ATR: variants seen among roughly 807,000 people sequenced by gnomAD.
The protein encoded by ATR is serine/threonine-protein kinase ATR.
In ATR, 142 loss-of-function variants were observed where a neutral mutation model predicts 305.3. The observed-to-expected ratio is 0.47, with a 90% confidence interval of 0.41 to 0.53. The LOEUF (loss-of-function observed/expected upper bound fraction) is 0.53. Among genes scored for constraint, ATR ranks in the 20% least tolerant of loss-of-function variants. The probability of loss-of-function intolerance (pLI) is 0.00; values close to 1 mark genes in which losing one functional copy is unlikely to be tolerated. For synonymous variants in ATR, 1,050 were observed against 1,068.1 expected (o/e 0.98, Z 0.33); for missense variants, 2,135 against 3,133.1 (o/e 0.68, Z 7.60).
chr3:142,478,793 T>A (rs1340784063), intron 36 of ATR, among the ~76,000 whole-genome samples: 1 of 152,170 alleles, frequency 6.6e-6, no homozygotes, highest in Non-Finnish European at 1.5e-5. Flanking sequence ...TGCATATATA[T>A]TTAGGATAGT....
chr3:142,499,795 A>C (rs1173072940), intron 30 of ATR, 77 bp from the exon 31 acceptor site: 2 of 1,154,590 alleles, frequency 1.7e-6, no homozygotes, highest in Admixed American at 3.6e-5. Context: ...TGGTTTACAT[A>C]CTCTATTTAT....
intron 15 of ATR, 143 bp downstream of exon 15, chr3:142,549,336 A>G (rs980434283): frequency 1.7e-6 from 1 of 580,238 alleles, no homozygotes; most frequent in Non-Finnish European, 2.8e-6. Flanking sequence ...CAGGACAAAG[A>G]TTATTTAACA....
rs934941756 is a variant in ATR, at chr3:142,513,729, G to A, written c.4504-91C>T. The stretch of plus-strand genomic sequence containing the variant: ...ATGTGAGATAATTTATCACAAACGA[G>A]TATTCATTTTTAAATTTAAAAAGTT... On this transcript the variant is annotated intron_variant, in intron 25 of 46. Coordinates refer to ENST00000350721, the MANE Select transcript of ATR (RefSeq NM_001184.4). 1.3e-4 allele frequency: 163 copies of A among 1,271,494 alleles called. 1 individual carries two copies. The highest frequency in any genetic ancestry group is 2.7e-5 in the Non-Finnish European group (25 of 924,004). 78.8% of individuals were successfully genotyped at this position (1,271,494 alleles called of 1,614,324 possible).
chr3:142,559,029 T>C (rs1213307517), intron 7 of ATR: 1 of 636,068 alleles, frequency 1.6e-6, no homozygotes, highest in East Asian at 2.9e-5. Flanking sequence ...ATTAAAAAAC[T>C]TTGAAGTTAT....
chr3:142,561,626 C>G (rs998035657), intron 4 of ATR, among the ~76,000 whole-genome samples: 3 of 152,064 alleles, frequency 2.0e-5, no homozygotes, highest in Admixed American at 6.6e-5. Context: ...AAGGTTTAAA[C>G]AAATCCTTCT....
In ATR at chr3:142,457,696, A is replaced by C. The variant is rs766734738; in HGVS notation, c.7563T>G (p.Asn2521Lys). 4 of 1,614,058 alleles carry C rather than the reference A, an allele frequency of 2.5e-6. No individual in the cohort carries two copies. Among genetic ancestry groups the C allele is most frequent in the Non-Finnish European group, 3.4e-6 (4 of 1,179,970 alleles). ...VPFRLTHNMVNGMGPMGTEGL... is the reference protein window; with the variant it reads ...VPFRLTHNMVKGMGPMGTEGL... ...CCTCTGTTCCCATAGGACCCATTCC[A>C]TTAACCATATTATGAGTCAGGCGAA... The change falls in exon 45 of 47, where the codon AAT (asparagine) becomes AAG (lysine). Residue 2521 changes from asparagine (N) to lysine (K), a missense_variant. Physicochemically the swap from Asn to Lys is moderately conservative, Grantham distance 94. This residue lies in a region of ATR where 462 missense variants were observed against 887.6 expected (regional missense o/e 0.52). Coordinates refer to ENST00000350721, the MANE Select transcript of ATR (RefSeq NM_001184.4).
At chr3:142,464,361 A>G (rs907593369) in intron 41 of ATR, among the ~76,000 whole-genome samples, 5 of 152,146 alleles carry the variant, frequency 3.3e-5, no homozygotes, top group African/African-American at 1.2e-4. Context: ...TCTTGGCCTC[A>G]AGTGGTCCTC....
chr3:142,530,759 G>A (rs2033606947), intron 21 of ATR, among the ~76,000 whole-genome samples: 1 of 152,032 alleles, frequency 6.6e-6, no homozygotes, highest in South Asian at 2.1e-4. Flanking sequence ...TCTGAAGAGT[G>A]CCTCTCCTCT....
intron 36 of ATR, among the ~76,000 whole-genome samples, chr3:142,479,835 T>C (rs1451193085): frequency 6.6e-6 from 1 of 152,238 alleles, no homozygotes; most frequent in East Asian, 1.9e-4. Flanking sequence ...ATTTCATTCA[T>C]TTGATCTTCA....
chr3:142,575,937 T>G (rs1465793628), intron 1 of ATR, among the ~76,000 whole-genome samples: 3 of 152,222 alleles, frequency 2.0e-5, no homozygotes, highest in African/African-American at 7.2e-5. Flanking sequence ...TGATTTTAAG[T>G]GTGCTGGAAT....
intron 20 of ATR, 92 bp from the exon 21 acceptor site, chr3:142,535,297 A>G: frequency 7.1e-7 from 1 of 1,409,762 alleles, no homozygotes; most frequent in East Asian, 2.3e-5. Flanking sequence ...GTTACCATTA[A>G]ACTATACCAA....
intron 24 of ATR, among the ~76,000 whole-genome samples, chr3:142,519,310 T>C (rs371058279): frequency 2.6e-5 from 4 of 152,148 alleles, no homozygotes; most frequent in East Asian, 1.9e-4. Flanking sequence ...TTAATTTTTT[T>C]TTTTTTTTCC....
At position 142,541,006 on chromosome 3, in the gene ATR, T is replaced by C. The variant is rs1231282916; in HGVS notation, c.3479A>G (p.Lys1160Arg). The C allele has an allele frequency of 3.7e-6, 6 of 1,613,686 alleles. No individual in the cohort carries two copies. Among genetic ancestry groups the C allele is most frequent in the Non-Finnish European group, 5.1e-6 (6 of 1,179,714 alleles). ...MALNSLMSLM[K>R]LMGPKHVSSV... The stretch of plus-strand genomic sequence containing the variant: ...ACTGACATGTTTGGGTCCCATTAAC[T>C]TCATCAAAGACATCAAACTGTTCAA... The change falls in exon 18 of 47, where the codon AAG becomes AGG. Residue 1160 changes from lysine (K) to arginine (R), a missense_variant. Lys to Arg is a conservative substitution (Grantham distance 26). Around this residue, in one of 9 missense-constraint regions of ATR, gnomAD observed 530 missense variants for 766.8 expected, o/e 0.69. Coordinates refer to ENST00000350721, the MANE Select transcript of ATR (RefSeq NM_001184.4).
At chr3:142,566,318 G>A in intron 2 of ATR, 57 bp from the exon 3 acceptor site, 2 of 1,584,306 alleles carry the variant, frequency 1.3e-6, no homozygotes, top group Non-Finnish European at 1.7e-6. Flanking sequence ...TGGTCCTTTT[G>A]TTAAGAAACC....
chr3:142,540,767 T>C, intron 18 of ATR, 137 bp downstream of exon 18: 1 of 1,138,518 alleles, frequency 8.8e-7, no homozygotes, highest in Non-Finnish European at 1.2e-6. Flanking sequence ...ATATGTTCTA[T>C]TTTAAATACA....
At chr3:142,464,747 A>G (rs577810711) in intron 41 of ATR, among the ~76,000 whole-genome samples, 5 of 152,330 alleles carry the variant, frequency 3.3e-5, no homozygotes, top group Non-Finnish European at 5.9e-5. Context: ...TCATAGACAC[A>G]GAGTTCCAAT....
intron 13 of ATR, 95 bp from the exon 14 acceptor site, chr3:142,550,397 A>G (rs1392643212): frequency 1.5e-6 from 2 of 1,292,616 alleles, no homozygotes; most frequent in Non-Finnish European, 2.2e-6. Context: ...ATCAAATAGT[A>G]TTCTACATTA....
intron 46 of ATR, chr3:142,452,874 A>C: frequency 7.5e-7 from 1 of 1,327,744 alleles, no homozygotes; most frequent in African/African-American, 1.5e-5. Context: ...GTATCTCATA[A>C]CTGTGAATTG....
chr3:142,521,836 C>A (rs1198390280), intron 23 of ATR, among the ~76,000 whole-genome samples: 3 of 152,182 alleles, frequency 2.0e-5, no homozygotes, highest in Non-Finnish European at 1.5e-5. Context: ...TGTGGTTCCA[C>A]TCAAAATGCT....
Sources: gnomAD v4.1 joint callset for allele counts (sites outside exome capture counted in the v4.1 genomes callset) on GRCh38, gnomAD v4.1.1 for gene constraint, gnomAD v4.1.1 regional missense constraint, MANE v1.5 for transcripts, NCBI Gene and HGNC (gene_info 2026-07-23, HGNC 2026-07-21) for gene names.